Variants in ZNF431 observed in about 807,000 individuals in gnomAD.
ZNF431 encodes zinc finger protein 431.
Under a neutral mutation model 57.0 loss-of-function variants are expected in ZNF431, and 34 were observed. The ratio of observed to expected loss-of-function variants is 0.60; its 90% CI spans 0.45 to 0.79. The LOEUF (loss-of-function observed/expected upper bound fraction) is 0.79, where lower values mean the gene tolerates loss of function less well. Among genes scored for constraint, ZNF431 ranks in the 30% least tolerant of loss-of-function variants. The pLI is 0.00. For missense variants in ZNF431, 607 were observed against 667.1 expected (o/e 0.91, Z 0.99); for synonymous variants, 207 against 220.3 (o/e 0.94, Z 0.54).
At chr19:21,143,244 T>A (rs10420770) in intron 1 of ZNF431, among the ~76,000 whole-genome samples, 27,317 of 151,928 alleles carry the variant, frequency 0.18, 3,439 homozygotes, top group African/African-American at 0.35. Flanking sequence ...AAAGATTTTT[T>A]AAAAAAAATA....
chr19:21,159,283 G>A (rs1970507618), intron 2 of ZNF431, among the ~76,000 whole-genome samples: 1 of 151,862 alleles, frequency 6.6e-6, no homozygotes, highest in African/African-American at 2.4e-5. Flanking sequence ...TCTATTTTTT[G>A]TTTTATCTCT....
rs139528145 is a variant in ZNF431 at position 21,178,087 on chromosome 19, A to G, written c.320-4536A>G. Among the ~76,000 whole-genome samples, 1,365 of 152,130 alleles carry G rather than the reference A, an allele frequency of 9.0e-3. 14 individuals carry two copies. Among genetic ancestry groups the G allele is most frequent in the Non-Finnish European group, 0.013 (881 of 67,998 alleles). The stretch of plus-strand genomic sequence containing the variant: ...CTTTGTTCTCTTTGTAGCAATTGTG[A>G]ATGGGAGTTTATTCATGATTTCGCT... On this transcript the variant is annotated intron_variant, in intron 4 of 4. Coordinates refer to ENST00000311048, the MANE Select transcript of ZNF431 (RefSeq NM_133473.4).
In ZNF431 at chr19:21,192,686, T is replaced by C. The variant is rs1290623790; in HGVS notation, c.*8652T>C. The C allele has an allele frequency of 6.6e-6, 1 of 152,216 alleles. No individual in the cohort carries two copies. The highest frequency in any genetic ancestry group is 2.4e-5 in the African/African-American group (1 of 41,452). The allele number at this position is 152,216 out of a possible 1,614,324, so 9.4% of individuals were successfully genotyped here. A position where few individuals can be genotyped will look rare whatever the true frequency, so the allele number is the denominator to read the frequency against. On this transcript the variant is annotated 3_prime_UTR_variant, in exon 5 of 5. Transcript: ENST00000311048. ...TGTTCTAGCTCTTAGAGTAAAAGCT[T>C]ACAACATATCCCTGTTTAGTATGTT...
chr19:21,181,532 G>A lies in ZNF431; in HGVS notation c.320-1091G>A, dbSNP rs530684946. On this transcript the variant is annotated intron_variant, in intron 4 of 4. Coordinates refer to ENST00000311048, the MANE Select transcript of ZNF431 (RefSeq NM_133473.4). ...CATTCTCTTCTTGTCTGTGACTTTC[G>A]AAATTGTGCTTATATATGTGTTTGT... 2.6e-5 allele frequency among the ~76,000 whole-genome samples: 4 copies of A among 151,970 alleles called. No individual in the cohort carries two copies. In the South Asian group the frequency reaches 8.3e-4, roughly 32 times the overall value.
intron 2 of ZNF431, among the ~76,000 whole-genome samples, chr19:21,152,680 A>C (rs1970306261): frequency 6.6e-6 from 1 of 152,084 alleles, no homozygotes; most frequent in Non-Finnish European, 1.5e-5. Flanking sequence ...CCTTTAACCC[A>C]CTGTGTCTTA....
chr19:21,149,926 C>G, intron 2 of ZNF431: 2 of 606,124 alleles, frequency 3.3e-6, no homozygotes, highest in Non-Finnish European at 6.1e-6. Context: ...TTTTATGACA[C>G]AGGGCAGGCA....
rs1008915855 is a variant in ZNF431 at position 21,192,200 on chromosome 19, G to A, written c.*8166G>A. 6.6e-6 allele frequency: 1 copy of A among 151,962 alleles called. No homozygotes were observed. Among genetic ancestry groups the A allele is most frequent in the African/African-American group, 2.4e-5 (1 of 41,366 alleles). 9.4% of individuals were successfully genotyped at this position (151,962 alleles called of 1,614,324 possible). On this transcript the variant is annotated 3_prime_UTR_variant, in exon 5 of 5. Coordinates refer to ENST00000311048, the MANE Select transcript of ZNF431 (RefSeq NM_133473.4). ...TTTATTTATTTTGAGATGGAGTCTC[G>A]GTCTGTCACGCAGGCTCGAGTGCAG... is the stretch of plus-strand genomic sequence containing the variant.
intron 4 of ZNF431, among the ~76,000 whole-genome samples, chr19:21,171,663 A>G (rs1342220777): frequency 7.1e-6 from 1 of 140,924 alleles, no homozygotes; most frequent in Non-Finnish European, 1.5e-5. Flanking sequence ...AAATATTTTC[A>G]TTATGTCTTA....
chr19:21,159,589 T>C (rs1262555471), intron 2 of ZNF431, among the ~76,000 whole-genome samples: 2 of 152,178 alleles, frequency 1.3e-5, no homozygotes, highest in African/African-American at 4.8e-5. Flanking sequence ...GCCAGGATCG[T>C]CTTGATCTCT....
At chr19:21,180,544 T>C (rs1971180226) in intron 4 of ZNF431, among the ~76,000 whole-genome samples, 1 of 152,262 alleles carries the variant, frequency 6.6e-6, no homozygotes, top group Non-Finnish European at 1.5e-5. Flanking sequence ...TTGGTATGCT[T>C]TTACTTCTTT....
intron 4 of ZNF431, among the ~76,000 whole-genome samples, chr19:21,171,680 CCAT>C: frequency 7.1e-6 from 1 of 141,178 alleles, no homozygotes; most frequent in South Asian, 2.2e-4. Context: ...CTTATTTTCA[CCAT>C]GTTTCTAATG....
Position 21,192,530 on chromosome 19 carries a change from A to G in ZNF431, c.*8496A>G, listed in dbSNP as rs1014647427. ...TTTATACTTCAGATTATGTATAGGG[A>G]TAAAAGAAAATTATACAGGAATAAT... On this transcript the variant is annotated 3_prime_UTR_variant, in exon 5 of 5. Coordinates refer to ENST00000311048, the MANE Select transcript of ZNF431 (RefSeq NM_133473.4). 5 of 152,190 alleles carry G rather than the reference A, an allele frequency of 3.3e-5. No individual in the cohort carries two copies. Among genetic ancestry groups the G allele is most frequent in the Non-Finnish European group, 5.9e-5 (4 of 68,040 alleles). The allele number at this position is 152,190 out of a possible 1,614,324, so 9.4% of individuals were successfully genotyped here.
intron 2 of ZNF431, among the ~76,000 whole-genome samples, chr19:21,153,943 C>T (rs902619107): frequency 4.6e-5 from 7 of 152,054 alleles, no homozygotes; most frequent in South Asian, 2.1e-4. Flanking sequence ...CTCAAACGCC[C>T]GACCTCAGTT....
At chr19:21,156,900 A>G (rs186201876) in intron 2 of ZNF431, among the ~76,000 whole-genome samples, 9 of 152,008 alleles carry the variant, frequency 5.9e-5, no homozygotes, top group Non-Finnish European at 1.5e-5. Flanking sequence ...TCAGCCCCCA[A>G]AGTAGCTGGG....
At chr19:21,151,178 C>A (rs1470907608) in intron 2 of ZNF431, 1 of 152,128 alleles carries the variant, frequency 6.6e-6, no homozygotes, top group Non-Finnish European at 1.5e-5. Context: ...GCCTCAGCCT[C>A]CTGAGTTGCT....
intron 4 of ZNF431, 32 bp from the exon 5 acceptor site, chr19:21,182,591 G>A (rs1971235360): frequency 6.4e-7 from 1 of 1,555,622 alleles, no homozygotes; most frequent in Admixed American, 2.0e-5. Context: ...AGTCTAGTAA[G>A]TTGAATAATT....
chr19:21,169,318 TA>T (rs561111339), intron 4 of ZNF431, among the ~76,000 whole-genome samples: 168 of 152,306 alleles, frequency 1.1e-3, no homozygotes, highest in African/African-American at 3.6e-3. Context: ...CAATGGCTTT[TA>T]AAAAATGTTC....
At chr19:21,154,558 T>C (rs1476273496) in intron 2 of ZNF431, among the ~76,000 whole-genome samples, 3 of 152,188 alleles carry the variant, frequency 2.0e-5, no homozygotes, top group African/African-American at 7.2e-5. Context: ...CTGGGTCAAA[T>C]GGTATTTCTA....
In ZNF431 at chr19:21,142,156, G is replaced by A. The variant is rs1348167774; in HGVS notation, c.-28G>A. On this transcript the variant is annotated 5_prime_UTR_variant, in exon 1 of 5. Coordinates refer to ENST00000311048, the MANE Select transcript of ZNF431 (RefSeq NM_133473.4). Reference sequence around the variant, plus strand: ...CAGGTATTGGGAGACCCACAGCTAAGACACCGGGACCCCCTGAAAGCCTAG... The same window carrying A: ...CAGGTATTGGGAGACCCACAGCTAAAACACCGGGACCCCCTGAAAGCCTAG... 6.2e-7 allele frequency: 1 copy of A among 1,612,610 alleles called. No homozygotes were observed. The highest frequency in any genetic ancestry group is 8.5e-7 in the Non-Finnish European group (1 of 1,179,046).
Sources: allele counts gnomAD v4.1 joint callset (sites outside exome capture counted in the v4.1 genomes callset), GRCh38; gene constraint gnomAD v4.1.1; transcripts MANE v1.5; gene names NCBI Gene and HGNC (gene_info 2026-07-23, HGNC 2026-07-21).